Variants in VPS13D observed in about 807,000 individuals in gnomAD.
The protein encoded by VPS13D is vacuolar protein sorting 13 homolog D, also known as intermembrane lipid transfer protein VPS13D.
A neutral mutation model predicts 461.9 loss-of-function variants in VPS13D; 187 were observed. The observed-to-expected ratio is 0.40, with a 90% CI of 0.36 to 0.46. The LOEUF (loss-of-function observed/expected upper bound fraction) is 0.46. Among genes scored for constraint, VPS13D ranks in the 20% least tolerant of loss-of-function variants. The pLI, the probability that VPS13D is intolerant of heterozygous loss-of-function variation, is 0.60. For synonymous variants in VPS13D, 1,951 were observed against 1,986.3 expected, an observed-to-expected ratio of 0.98 and a Z score of 0.47; for missense variants, 4,711 against 5,364.9, an observed-to-expected ratio of 0.88 and a Z score of 3.81.
At chr1:12,294,365 C>G (rs1165064581) in intron 24 of VPS13D, among the ~76,000 whole-genome samples, 2 of 152,168 alleles carry the variant, frequency 1.3e-5, no homozygotes, top group Non-Finnish European at 1.5e-5. Flanking sequence ...TCTTATGGTA[C>G]TTGCTTTTTC....
rs769962846 is a variant in VPS13D at position 12,368,495 on chromosome 1, A to T, written c.10476A>T (p.Leu3492=). Residue 3492 remains leucine (L), a synonymous_variant, in exon 53 of 70, where the codon CTA becomes CTT. Transcript: ENST00000620676. ...MRDTLGKCFF[L]RVEITLRGAT... ...ATACCTTGGGAAAATGCTTCTTCCT[A>T]CGAGTGGAAATTACTCTCCGAGGAG... 3.7e-6 allele frequency: 6 copies of T among 1,613,142 alleles called. No homozygotes were observed. The highest frequency in any genetic ancestry group is 5.1e-6 in the Non-Finnish European group (6 of 1,179,578).
At chr1:12,242,719 G>T in intron 3 of VPS13D, 129 bp downstream of exon 3, 2 of 797,102 alleles carry the variant, frequency 2.5e-6, no homozygotes, top group Non-Finnish European at 4.0e-6. Flanking sequence ...TAGAGTTTAG[G>T]CCAGTCTTAA....
chr1:12,341,033 T>A (rs1197815107), intron 40 of VPS13D, among the ~76,000 whole-genome samples: 6 of 152,234 alleles, frequency 3.9e-5, no homozygotes, highest in Non-Finnish European at 1.5e-5. Flanking sequence ...ACAATGTTTA[T>A]AGTCAGGTCA....
chr1:12,504,403 AT>A (rs1646076885), intron 68 of VPS13D, among the ~76,000 whole-genome samples: 1 of 152,168 alleles, frequency 6.6e-6, no homozygotes. Flanking sequence ...TTCCAGAAAT[AT>A]GTTATTATCA....
intron 46 of VPS13D, among the ~76,000 whole-genome samples, chr1:12,350,762 T>C (rs1341014949): frequency 6.6e-6 from 1 of 152,006 alleles, no homozygotes; most frequent in African/African-American, 2.4e-5. Flanking sequence ...AAATCAACAA[T>C]GTCAAAATTG....
At chr1:12,393,701 T>A (rs992888216) in intron 60 of VPS13D, among the ~76,000 whole-genome samples, 3 of 152,196 alleles carry the variant, frequency 2.0e-5, no homozygotes, top group Non-Finnish European at 2.9e-5. Context: ...GGTTTACTAT[T>A]TTTCTAGGTA....
rs748885089 is a variant in VPS13D, at chr1:12,329,934, A to G, written c.8287+16A>G. On this transcript the variant is annotated intron_variant, in intron 37 of 69. Transcript: ENST00000620676. ...GCTCTTTCAGGTCAGTATAAAGCAT[A>G]TGTTATCATGGGATTTAAAAAATAA... is the stretch of plus-strand genomic sequence containing the variant. The G allele has an allele frequency of 3.6e-6, 5 of 1,384,264 alleles. No homozygotes were observed. Among genetic ancestry groups the G allele is most frequent in the Non-Finnish European group, 4.8e-6 (5 of 1,035,422 alleles). 85.7% of individuals were successfully genotyped at this position (1,384,264 alleles called of 1,614,324 possible).
intron 40 of VPS13D, among the ~76,000 whole-genome samples, chr1:12,340,015 A>G (rs547053608): frequency 2.6e-5 from 4 of 152,238 alleles, no homozygotes; most frequent in African/African-American, 2.4e-5. Flanking sequence ...CCCTTTATCT[A>G]CTGTAATAAA....
At chr1:12,429,561 G>C (rs1570154356) in intron 65 of VPS13D, among the ~76,000 whole-genome samples, 3 of 152,194 alleles carry the variant, frequency 2.0e-5, no homozygotes, top group Non-Finnish European at 4.4e-5. Context: ...CAAAGTGCTG[G>C]CATTACAGGC....
rs755732375 is a variant in VPS13D at position 12,500,672 on chromosome 1, T to TA, written c.12794+3047dup. 2.8e-4 allele frequency among the ~76,000 whole-genome samples: 42 copies of TA among 151,954 alleles called. 4 individuals carry two copies. Among genetic ancestry groups the TA allele is most frequent in the Admixed American group, 2.0e-3 (31 of 15,282 alleles). Reference sequence around the variant, plus strand: ...GGGATTTTTTAAATACAGAAAAGTATAAAAAATAAAAGTACCCTATGCATC... The same window carrying TA: ...GGGATTTTTTAAATACAGAAAAGTATAAAAAAATAAAAGTACCCTATGCATC... On this transcript the variant is annotated intron_variant, in intron 68 of 69. Transcript: ENST00000620676.
At chr1:12,309,798 T>A (rs1207865210) in intron 27 of VPS13D, among the ~76,000 whole-genome samples, 1 of 151,512 alleles carries the variant, frequency 6.6e-6, no homozygotes, top group East Asian at 1.9e-4. Context: ...AAAAACAGGT[T>A]TATTATTTGT....
At chr1:12,359,699 G>A (rs374548926) in intron 50 of VPS13D, among the ~76,000 whole-genome samples, 21 of 152,222 alleles carry the variant, frequency 1.4e-4, no homozygotes, top group Admixed American at 5.9e-4. Context: ...AATCTTCCAA[G>A]TATAGTTTCC....
chr1:12,379,624 G>T, intron 57 of VPS13D, 28 bp downstream of exon 57: 2 of 1,559,838 alleles, frequency 1.3e-6, no homozygotes, highest in Non-Finnish European at 1.8e-6. Context: ...CCCAATTGCA[G>T]CAAGCAGTGG....
chr1:12,302,117 A>C (rs377746337), intron 25 of VPS13D, among the ~76,000 whole-genome samples: 3 of 152,332 alleles, frequency 2.0e-5, no homozygotes, highest in East Asian at 3.9e-4. Context: ...CACCATGGTT[A>C]AGTATTTGTG....
chr1:12,496,790 C>T (rs1384278981), intron 67 of VPS13D, among the ~76,000 whole-genome samples: 1 of 152,236 alleles, frequency 6.6e-6, no homozygotes, highest in Non-Finnish European at 1.5e-5. Flanking sequence ...AAGCAGATTC[C>T]TCCGGGCCGC....
intron 65 of VPS13D, among the ~76,000 whole-genome samples, chr1:12,455,082 A>C (rs1247518236): frequency 6.6e-6 from 1 of 152,218 alleles, no homozygotes; most frequent in Non-Finnish European, 1.5e-5. Flanking sequence ...GATAAATAAA[A>C]TCTCTGAATT....
chr1:12,484,975 CGT>C (rs970095456), intron 67 of VPS13D, among the ~76,000 whole-genome samples: 13 of 151,272 alleles, frequency 8.6e-5, no homozygotes, highest in African/African-American at 1.5e-4. Context: ...TGTACACACA[CGT>C]GTGTGTGTGT....
chr1:12,413,656 G>C (rs1247713447), intron 63 of VPS13D, among the ~76,000 whole-genome samples: 1 of 152,090 alleles, frequency 6.6e-6, no homozygotes, highest in African/African-American at 2.4e-5. Flanking sequence ...ACTTTTTGTA[G>C]AGACAAGGTC....
At chr1:12,490,133 A>G (rs944506056) in intron 67 of VPS13D, among the ~76,000 whole-genome samples, 4 of 152,194 alleles carry the variant, frequency 2.6e-5, no homozygotes, top group Non-Finnish European at 1.5e-5. Context: ...TAGTTTGGGA[A>G]AGGTTGGTTG....
Sources: allele counts gnomAD v4.1 joint callset (sites outside exome capture counted in the v4.1 genomes callset), GRCh38; gene constraint gnomAD v4.1.1; transcripts MANE v1.5; gene names NCBI Gene and HGNC (gene_info 2026-07-23, HGNC 2026-07-21).